The following DGKI variants were observed in gnomAD, a reference collection of about 807,000 sequenced individuals.
The protein encoded by DGKI is DAG kinase iota.
Under a neutral mutation model 147.5 loss-of-function variants are expected in DGKI, and 55 were observed. That is an observed-to-expected ratio of 0.37 (90% CI 0.30 to 0.47). The LOEUF is 0.47. DGKI is among the 20% of genes least tolerant of loss of function. The probability of loss-of-function intolerance (pLI) is 1.00; values close to 1 mark genes in which losing one functional copy is unlikely to be tolerated. For synonymous variants in DGKI, 469 were observed against 477.1 expected, an observed-to-expected ratio of 0.98 and a Z score of 0.22; for missense variants, 1,007 against 1,323.8, an observed-to-expected ratio of 0.76 and a Z score of 3.71.
At chr7:137,804,676 C>G (rs1797312283) in intron 1 of DGKI, among the ~76,000 whole-genome samples, 2 of 152,046 alleles carry the variant, frequency 1.3e-5, no homozygotes, top group South Asian at 4.1e-4. Flanking sequence ...TGGATGGGCA[C>G]AGGAAAGGAA....
intron 1 of DGKI, among the ~76,000 whole-genome samples, chr7:137,721,267 T>C (rs969123026): frequency 6.6e-6 from 1 of 152,224 alleles, no homozygotes; most frequent in African/African-American, 2.4e-5. Context: ...AATGAATGTC[T>C]TTCTGTATAA....
chr7:137,715,971 G>A (rs898063692), intron 1 of DGKI, among the ~76,000 whole-genome samples: 2 of 152,108 alleles, frequency 1.3e-5, no homozygotes, highest in African/African-American at 4.8e-5. Flanking sequence ...GCCTTGTGCT[G>A]GTTACAAAAA....
chr7:137,493,313 G>A (rs1285962448), intron 21 of DGKI, among the ~76,000 whole-genome samples: 1 of 152,188 alleles, frequency 6.6e-6, no homozygotes. Flanking sequence ...TGCCTGTATG[G>A]AGGCTGGAAG....
At chr7:137,474,935 T>C (rs911102814) in intron 23 of DGKI, among the ~76,000 whole-genome samples, 8 of 152,156 alleles carry the variant, frequency 5.3e-5, no homozygotes, top group African/African-American at 1.9e-4. Context: ...GCTACAATAA[T>C]ATCTATCATA....
In DGKI at chr7:137,670,277, A is replaced by G. The variant is rs1423180830; in HGVS notation, c.606+8280T>C. Reference sequence around the variant, plus strand: ...AGAATCCTAAAGATCCCTTGGCTTCATAGCCTACATATACTATCACTATCC... The same window carrying G: ...AGAATCCTAAAGATCCCTTGGCTTCGTAGCCTACATATACTATCACTATCC... On this transcript the variant is annotated intron_variant, in intron 3 of 32. Transcript: ENST00000614521. 7.2e-5 allele frequency among the ~76,000 whole-genome samples: 11 copies of G among 152,346 alleles called. 1 individual carries two copies. The highest frequency in any genetic ancestry group is 3.4e-3 in the Middle Eastern group (1 of 294).
intron 6 of DGKI, among the ~76,000 whole-genome samples, chr7:137,645,014 T>C (rs1161921886): frequency 6.6e-6 from 1 of 152,220 alleles, no homozygotes; most frequent in African/African-American, 2.4e-5. Flanking sequence ...AGGGCATCTC[T>C]TCCATGAACT....
chr7:137,581,808 A>C, intron 15 of DGKI, 42 bp downstream of exon 15: 1 of 1,547,018 alleles, frequency 6.5e-7, no homozygotes, highest in South Asian at 1.1e-5. Flanking sequence ...CACCTGCTAG[A>C]AACTTCCTCC....
At chr7:137,817,121 A>T (rs368372580) in intron 1 of DGKI, among the ~76,000 whole-genome samples, 13 of 152,132 alleles carry the variant, frequency 8.5e-5, no homozygotes, top group African/African-American at 3.1e-4. Context: ...TTTATTTCCT[A>T]ATCAGCCAAG....
At chr7:137,644,017 C>A (rs1490654262) in intron 6 of DGKI, among the ~76,000 whole-genome samples, 1 of 151,896 alleles carries the variant, frequency 6.6e-6, no homozygotes, top group East Asian at 1.9e-4. Flanking sequence ...CATGCATGCA[C>A]ACACACACAC....
intron 6 of DGKI, among the ~76,000 whole-genome samples, chr7:137,632,700 T>C (rs1034164278): frequency 6.6e-6 from 1 of 151,124 alleles, no homozygotes; most frequent in South Asian, 2.1e-4. Context: ...CCACTAAAAA[T>C]ACAAAAAAAT....
chr7:137,650,763 T>C (rs1485376401), intron 5 of DGKI, among the ~76,000 whole-genome samples: 4 of 152,216 alleles, frequency 2.6e-5, no homozygotes, highest in Non-Finnish European at 4.4e-5. Flanking sequence ...ATAATTTTTG[T>C]TGCTTATAAG....
At chr7:137,609,636 G>A (rs748166334) in intron 8 of DGKI, 27 bp from the exon 9 acceptor site, 1 of 1,579,158 alleles carries the variant, frequency 6.3e-7, no homozygotes, top group Admixed American at 1.7e-5. Flanking sequence ...AAATGCCTGA[G>A]CTCAGAGGCA....
At chr7:137,543,103 A>G (rs1371567938) in intron 20 of DGKI, among the ~76,000 whole-genome samples, 6 of 152,154 alleles carry the variant, frequency 3.9e-5, no homozygotes, top group African/African-American at 1.4e-4. Context: ...AGAAAGACAC[A>G]TTTTGCAGTT....
intron 1 of DGKI, among the ~76,000 whole-genome samples, chr7:137,763,897 T>C (rs1795931610): frequency 6.6e-6 from 1 of 152,230 alleles, no homozygotes; most frequent in Non-Finnish European, 1.5e-5. Flanking sequence ...CATGCTGTAA[T>C]ACTTCTAACC....
intron 21 of DGKI, among the ~76,000 whole-genome samples, chr7:137,503,404 C>G (rs1816252979): frequency 6.6e-6 from 1 of 152,106 alleles, no homozygotes; most frequent in Admixed American, 6.5e-5. Flanking sequence ...CTGAAGACCT[C>G]AATGACAGTT....
At chr7:137,422,379 T>C (rs956421355) in intron 28 of DGKI, among the ~76,000 whole-genome samples, 1 of 152,178 alleles carries the variant, frequency 6.6e-6, no homozygotes, top group Non-Finnish European at 1.5e-5. Flanking sequence ...AATAAATTAA[T>C]ATCATCACCT....
chr7:137,560,415 G>A (rs916618857), intron 19 of DGKI, among the ~76,000 whole-genome samples: 11 of 151,888 alleles, frequency 7.2e-5, no homozygotes, highest in Non-Finnish European at 1.2e-4. Flanking sequence ...TTCCTAGTTC[G>A]TTGGGGAAAA....
chr7:137,587,229 C>G lies in DGKI; in HGVS notation c.1312-19G>C. The G allele has an allele frequency of 6.4e-7, 1 of 1,569,936 alleles. No individual in the cohort carries two copies. Among genetic ancestry groups the G allele is most frequent in the Non-Finnish European group, 8.6e-7 (1 of 1,156,602 alleles). On this transcript the variant is annotated intron_variant, in intron 12 of 32. Transcript: ENST00000614521. ...AGCCCACCTACAGGCGTATCGGGGG[C>G]CAGAAGAGATATAAGAAAGATAAAT...
At chr7:137,753,045 T>TACAC (rs3054913) in intron 1 of DGKI, among the ~76,000 whole-genome samples, 3 of 150,126 alleles carry the variant, frequency 2.0e-5, no homozygotes, top group Non-Finnish European at 4.5e-5. Context: ...CGAATGTACA[T>TACAC]ACACACACAC....
Sources: gnomAD v4.1 joint callset for allele counts (sites outside exome capture counted in the v4.1 genomes callset) on GRCh38, gnomAD v4.1.1 for gene constraint, MANE v1.5 for transcripts, NCBI Gene and HGNC (gene_info 2026-07-23, HGNC 2026-07-21) for gene names.